The following DOCK9 variants were observed in gnomAD, a reference collection of about 807,000 sequenced individuals.
The protein encoded by DOCK9 is dedicator of cytokinesis 9, also known as dedicator of cytokinesis protein 9.
In DOCK9, 89 loss-of-function variants were observed where a neutral mutation model predicts 263.3. That is an observed-to-expected ratio of 0.34 (90% CI 0.28 to 0.40). The LOEUF (loss-of-function observed/expected upper bound fraction) is 0.40. DOCK9 is among the 10% of genes least tolerant of loss of function. The pLI, the probability that DOCK9 is intolerant of heterozygous loss-of-function variation, is 1.00. For synonymous variants in DOCK9, 976 were observed against 973.1 expected (o/e 1.00, Z -0.06); for missense variants, 2,140 against 2,603.4 (o/e 0.82, Z 3.87).
At chr13:98,921,673 G>T (rs774746444) in intron 6 of DOCK9, among the ~76,000 whole-genome samples, 10 of 152,044 alleles carry the variant, frequency 6.6e-5, no homozygotes, top group African/African-American at 9.7e-5. Context: ...CTCAATTTTT[G>T]CTTTACTTGA....
At chr13:99,039,329 C>T (rs1256451091) in intron 1 of DOCK9, among the ~76,000 whole-genome samples, 2 of 151,954 alleles carry the variant, frequency 1.3e-5, no homozygotes, top group African/African-American at 4.8e-5. Flanking sequence ...GAAAATGGCT[C>T]TACAATCTAA....
At chr13:98,976,843 AAAGTTT>A (rs1254310813) in intron 1 of DOCK9, among the ~76,000 whole-genome samples, 1 of 152,216 alleles carries the variant, frequency 6.6e-6, no homozygotes, top group Non-Finnish European at 1.5e-5. Context: ...CTGTTATAGG[AAAGTTT>A]AAGTTCAGAT....
chr13:98,902,930 C>A (rs2048512174), intron 11 of DOCK9, 42 bp downstream of exon 11: 2 of 1,366,154 alleles, frequency 1.5e-6, no homozygotes, highest in African/African-American at 2.1e-5. Context: ...GAAACCTCTG[C>A]CTATTTTTTT....
At chr13:99,002,291 C>T (rs189653345) in intron 1 of DOCK9, among the ~76,000 whole-genome samples, 1 of 152,162 alleles carries the variant, frequency 6.6e-6, no homozygotes, top group African/African-American at 2.4e-5. Context: ...TCTAATATCA[C>T]CCCTCAGGGG....
chr13:99,003,701 C>G (rs1595881610), intron 1 of DOCK9, among the ~76,000 whole-genome samples: 1 of 152,236 alleles, frequency 6.6e-6, no homozygotes, highest in African/African-American at 2.4e-5. Flanking sequence ...TTAACACTCT[C>G]TTAAATCTTC....
Position 98,897,535 on chromosome 13 carries a change from A to C in DOCK9, c.1662T>G (p.Asn554Lys). The stretch of plus-strand genomic sequence containing the variant: ...TGAGCATGTCATCATTGGATAGCTT[A>C]TTGCTGTCTTGCCTGTAGATGGCAG... ...RFSAIYRQDS[N>K]KLSNDDMLKL... Residue 554 changes from asparagine (N) to lysine (K), a missense_variant, in exon 15 of 53, where the codon AAT (asparagine) becomes AAG (lysine). Coordinates refer to ENST00000682017, the MANE Select transcript of DOCK9 (RefSeq NM_001366683.2). 6.2e-7 allele frequency: 1 copy of C among 1,613,982 alleles called. No homozygotes were observed. The highest frequency in any genetic ancestry group is 8.5e-7 in the Non-Finnish European group (1 of 1,179,862).
At chr13:99,011,591 A>G (rs1420645720) in intron 1 of DOCK9, among the ~76,000 whole-genome samples, 4 of 152,238 alleles carry the variant, frequency 2.6e-5, no homozygotes, top group East Asian at 1.9e-4. Flanking sequence ...GACAATGATT[A>G]TAACAGCTAA....
In DOCK9 at chr13:98,801,848, T is replaced by G. The variant is rs141411315; in HGVS notation, c.5726-1370A>C. Among the ~76,000 whole-genome samples the G allele has an allele frequency of 4.6e-4, 70 of 152,328 alleles. No homozygotes were observed. The East Asian group carries it at 0.013, about 27-fold the overall frequency. ...CAGAGTTCCGATGGGCCACCCAACA[T>G]CTGGACAAAAGCGGAAAACATGTCC... is the stretch of plus-strand genomic sequence containing the variant. On this transcript the variant is annotated intron_variant, in intron 49 of 52. Coordinates refer to ENST00000682017, the MANE Select transcript of DOCK9 (RefSeq NM_001366683.2).
At chr13:98,992,023 A>C (rs1401398651) in intron 1 of DOCK9, among the ~76,000 whole-genome samples, 1 of 151,914 alleles carries the variant, frequency 6.6e-6, no homozygotes, top group Non-Finnish European at 1.5e-5. Context: ...CACATGGAAG[A>C]CCACCGCATG....
chr13:98,948,925 A>G (rs1377327676), intron 2 of DOCK9, among the ~76,000 whole-genome samples: 1 of 152,104 alleles, frequency 6.6e-6, no homozygotes, highest in African/African-American at 2.4e-5. Context: ...TTTTGTAAAC[A>G]CCACATTTTC....
At position 98,885,275 on chromosome 13, in the gene DOCK9, C is replaced by T. The variant is rs554846853; in HGVS notation, c.2261-183G>A. On this transcript the variant is annotated intron_variant, in intron 20 of 52. Transcript: ENST00000682017. Reference sequence around the variant, plus strand: ...TGTCTACAATGTACTTAGGCCTTTTCGGGGTTAGAATTCTACAATCTTCTT... The same window carrying T: ...TGTCTACAATGTACTTAGGCCTTTTTGGGGTTAGAATTCTACAATCTTCTT... 57 of 821,596 alleles carry T rather than the reference C, an allele frequency of 6.9e-5. No homozygotes were observed. The East Asian group carries it at 1.1e-3, about 16-fold the overall frequency. The allele number at this position is 821,596 out of a possible 1,614,324, so 50.9% of individuals were successfully genotyped here. A position where few individuals can be genotyped will look rare whatever the true frequency, so the allele number is the denominator to read the frequency against.
intron 1 of DOCK9, among the ~76,000 whole-genome samples, chr13:99,057,084 C>T (rs1350526665): frequency 1.3e-5 from 2 of 152,310 alleles, no homozygotes; most frequent in East Asian, 3.9e-4. Context: ...CCCAAAAACT[C>T]TAGAGAGCAG....
intron 27 of DOCK9, 108 bp from the exon 28 acceptor site, chr13:98,868,485 T>TG: frequency 2.3e-6 from 3 of 1,278,094 alleles, no homozygotes; most frequent in Non-Finnish European, 3.2e-6. Context: ...AGTTTCTAGC[T>TG]GGGTGCTGTG....
intron 48 of DOCK9, 123 bp from the exon 49 acceptor site, chr13:98,805,332 T>G: frequency 1.2e-6 from 1 of 816,296 alleles, no homozygotes; most frequent in East Asian, 2.7e-5. Context: ...ACAACAAACA[T>G]CCACATATCC....
intron 39 of DOCK9, chr13:98,834,667 T>C (rs537747933): frequency 6.6e-5 from 10 of 152,348 alleles, no homozygotes; most frequent in Non-Finnish European, 1.2e-4. Flanking sequence ...GTGTTAATAA[T>C]AGACATTAGA....
chr13:98,883,027 A>T lies in DOCK9; in HGVS notation c.2559+15T>A, dbSNP rs1367860597. On this transcript the variant is annotated intron_variant, in intron 23 of 52. Transcript: ENST00000682017. ...AACTCACTTAAAAGGGGATACTAAG[A>T]AAGCCATGTGATACCTTAAGGTACT... The T allele has an allele frequency of 1.9e-6, 3 of 1,606,362 alleles. No individual in the cohort carries two copies. Among genetic ancestry groups the T allele is most frequent in the Non-Finnish European group, 2.5e-6 (3 of 1,176,906 alleles).
intron 1 of DOCK9, among the ~76,000 whole-genome samples, chr13:98,970,390 G>A (rs1304749898): frequency 6.6e-6 from 1 of 152,224 alleles, no homozygotes; most frequent in African/African-American, 2.4e-5. Context: ...AGGCAGTCCA[G>A]AGAACCTTCA....
chr13:98,999,290 G>GCACACA (rs1217981239), intron 1 of DOCK9, among the ~76,000 whole-genome samples: 2 of 145,762 alleles, frequency 1.4e-5, no homozygotes, highest in African/African-American at 2.5e-5. Flanking sequence ...GCATGCACGC[G>GCACACA]CACACACACA....
chr13:98,983,842 C>T (rs1877826922), intron 1 of DOCK9, among the ~76,000 whole-genome samples: 1 of 152,098 alleles, frequency 6.6e-6, no homozygotes, highest in Admixed American at 6.5e-5. Flanking sequence ...GTCTCGAACT[C>T]CTGACCTCAG....
Sources: allele counts gnomAD v4.1 joint callset (sites outside exome capture counted in the v4.1 genomes callset), GRCh38; gene constraint gnomAD v4.1.1; transcripts MANE v1.5; gene names NCBI Gene and HGNC (gene_info 2026-07-23, HGNC 2026-07-21).